FRMPD2: variants seen among roughly 807,000 people sequenced by gnomAD.
The protein encoded by FRMPD2 is FERM and PDZ domain-containing protein 2.
A neutral mutation model predicts 140.1 loss-of-function variants in FRMPD2; 96 were observed. The observed-to-expected ratio is 0.69, with a 90% CI of 0.58 to 0.81. FRMPD2 has a LOEUF of 0.81. FRMPD2 is among the 40% of genes least tolerant of loss of function. The probability of loss-of-function intolerance (pLI) is 0.00; values close to 1 mark genes in which losing one functional copy is unlikely to be tolerated. For missense variants in FRMPD2, 1,240 were observed against 1,447.4 expected (o/e 0.86, Z 2.32); for synonymous variants, 449 against 547.6 (o/e 0.82, Z 2.52).
At chr10:48,211,247 G>C (rs895500843) in intron 13 of FRMPD2, among the ~76,000 whole-genome samples, 1 of 152,214 alleles carries the variant, frequency 6.6e-6, no homozygotes, top group African/African-American at 2.4e-5. Context: ...GTGCCCACAC[G>C]GGGAGACTGC....
At chr10:48,212,652 T>C (rs1031647813) in intron 12 of FRMPD2, among the ~76,000 whole-genome samples, 1 of 152,320 alleles carries the variant, frequency 6.6e-6, no homozygotes, top group African/African-American at 2.4e-5. Flanking sequence ...AAGGAGGTCT[T>C]AGCTTTGGCA....
At chr10:48,249,869 GCC>G (rs1840334776) in intron 2 of FRMPD2, among the ~76,000 whole-genome samples, 1 of 141,996 alleles carries the variant, frequency 7.0e-6, no homozygotes, top group African/African-American at 3.1e-5. Flanking sequence ...ACTATAGGAG[GCC>G]TTATTACTGA....
rs111922604 is a variant in FRMPD2 at position 48,258,102 on chromosome 10, C to T, written c.26-6411G>A. Among the ~76,000 whole-genome samples the T allele has an allele frequency of 4.6e-3, 700 of 152,362 alleles. 13 individuals carry two copies. Among genetic ancestry groups the T allele is most frequent in the African/African-American group, 0.015 (644 of 41,584 alleles). ...TCAGAGCGATCTTTTCCTCTCTTCT[C>T]CTTTTGTTCCTTCGGTCTCTCTTCA... On this transcript the variant is annotated intron_variant, in intron 1 of 28. Transcript: ENST00000374201.
chr10:48,204,534 C>T (rs72792226), intron 14 of FRMPD2, among the ~76,000 whole-genome samples: 2,156 of 152,118 alleles, frequency 0.014, 28 homozygotes, highest in Non-Finnish European at 0.021. Flanking sequence ...CGCCATCATA[C>T]AGAAAAATAA....
Position 48,178,046 on chromosome 10 carries a change from C to T in FRMPD2, c.2895+1G>A, listed in dbSNP as rs1364084944. On this transcript the variant is annotated splice_donor_variant, in intron 22 of 28. Coordinates refer to ENST00000374201, the MANE Select transcript of FRMPD2 (RefSeq NM_001018071.4). LOFTEE classifies it high-confidence loss of function. ...TTTCAAGCTCTCCTAAAAACTCTTA[C>T]AGTTACACTGAATCCAAGTGTCCCA... 1 of 1,583,838 alleles carries T rather than the reference C, an allele frequency of 6.3e-7. No homozygotes were observed. The highest frequency in any genetic ancestry group is 8.7e-7 in the Non-Finnish European group (1 of 1,154,710).
intron 1 of FRMPD2, among the ~76,000 whole-genome samples, chr10:48,261,765 C>T (rs1192197525): frequency 2.6e-5 from 4 of 152,050 alleles, no homozygotes; most frequent in African/African-American, 7.2e-5. Context: ...ATTATAATAG[C>T]AACAACATCT....
intron 13 of FRMPD2, among the ~76,000 whole-genome samples, chr10:48,208,778 C>T (rs1053146031): frequency 1.3e-5 from 2 of 152,188 alleles, no homozygotes; most frequent in African/African-American, 4.8e-5. Flanking sequence ...GTCATTTCCT[C>T]TCCATGTGCT....
intron 12 of FRMPD2, among the ~76,000 whole-genome samples, chr10:48,221,975 T>TG (rs1839600005): frequency 7.0e-6 from 1 of 142,608 alleles, no homozygotes; most frequent in Non-Finnish European, 1.5e-5. Flanking sequence ...GATGGATGGA[T>TG]GGTTGGATGG....
At chr10:48,262,334 T>C (rs530930258) in intron 1 of FRMPD2, among the ~76,000 whole-genome samples, 20 of 152,314 alleles carry the variant, frequency 1.3e-4, no homozygotes, top group African/African-American at 4.8e-4. Context: ...AAAAGAAAGC[T>C]GGAGTAACCA....
rs577144969 is a variant in FRMPD2 at position 48,164,056 on chromosome 10, C to T, written c.3538-385G>A. 2.7e-5 allele frequency among the ~76,000 whole-genome samples: 4 copies of T among 150,794 alleles called. No individual in the cohort carries two copies. In the South Asian group the frequency reaches 8.4e-4, roughly 32 times the overall value. The stretch of plus-strand genomic sequence containing the variant: ...TCAGGGCTTGTCTCCCTGTCTCCAC[C>T]CCCATCAAGGTGATGTTCTTTCCTG... On this transcript the variant is annotated intron_variant, in intron 27 of 28. Coordinates refer to ENST00000374201, the MANE Select transcript of FRMPD2 (RefSeq NM_001018071.4).
At chr10:48,209,114 C>T (rs1839264189) in intron 13 of FRMPD2, among the ~76,000 whole-genome samples, 1 of 152,066 alleles carries the variant, frequency 6.6e-6, no homozygotes, top group African/African-American at 2.4e-5. Context: ...ACAGTACTGT[C>T]TTAAAATTGA....
chr10:48,181,951 T>C (rs987564041), intron 20 of FRMPD2, among the ~76,000 whole-genome samples: 1 of 146,094 alleles, frequency 6.8e-6, no homozygotes, highest in Non-Finnish European at 1.5e-5. Flanking sequence ...CCTCAATAAA[T>C]GTATCTACTG....
chr10:48,234,012 C>T (rs1325386201), intron 9 of FRMPD2, among the ~76,000 whole-genome samples: 1 of 152,250 alleles, frequency 6.6e-6, no homozygotes, highest in Non-Finnish European at 1.5e-5. Flanking sequence ...ATCTCACCCA[C>T]CCAGCTCCCA....
rs1212393112 is a variant in FRMPD2, at chr10:48,201,448, TG to T, written c.1798-65del. ...CCACAACCCTCCACTGACGCACAACTGCAAGAAAATGCTCGGTCCCTTGGTT... is the reference window on the plus strand; with the variant it reads ...CCACAACCCTCCACTGACGCACAACTCAAGAAAATGCTCGGTCCCTTGGTT... On this transcript the variant is annotated intron_variant, in intron 14 of 28. Transcript: ENST00000374201. 2.7e-6 allele frequency: 4 copies of T among 1,484,342 alleles called. No individual in the cohort carries two copies. The East Asian group carries it at 9.4e-5, about 35-fold the overall frequency. 91.9% of individuals were successfully genotyped at this position (1,484,342 alleles called of 1,614,324 possible).
At position 48,187,205 on chromosome 10, in the gene FRMPD2, C is replaced by T. The variant is rs1838710231; in HGVS notation, c.2253G>A (p.Gln751=). ...CCTGGCCCATACCTGCATGCATGCTCTGAACAGGTGGTCCAGAGAGAGAGT... is the reference window on the plus strand; with the variant it reads ...CCTGGCCCATACCTGCATGCATGCTTTGAACAGGTGGTCCAGAGAGAGAGT... The part of the protein sequence containing the change: ...TWDSLSGPPV[Q]SMHAGSKNNR... Residue 751 remains glutamine, a synonymous_variant, in exon 17 of 29, where the codon CAG becomes CAA. Coordinates refer to ENST00000374201, the MANE Select transcript of FRMPD2 (RefSeq NM_001018071.4). 6.2e-7 allele frequency: 1 copy of T among 1,613,830 alleles called. No individual in the cohort carries two copies. The highest frequency in any genetic ancestry group is 2.2e-5 in the East Asian group (1 of 44,850).
At chr10:48,215,942 C>A (rs898653211) in intron 12 of FRMPD2, among the ~76,000 whole-genome samples, 1 of 152,204 alleles carries the variant, frequency 6.6e-6, no homozygotes, top group Non-Finnish European at 1.5e-5. Context: ...AATCCATAGA[C>A]TGAGTAAAGC....
At position 48,236,491 on chromosome 10, in the gene FRMPD2, TC is replaced by T; in HGVS notation, c.983del (p.Gly328AspfsTer4). 6.2e-7 allele frequency: 1 copy of T among 1,614,116 alleles called. No homozygotes were observed. Among genetic ancestry groups the T allele is most frequent in the African/African-American group, 1.3e-5 (1 of 75,018 alleles). On this transcript the variant is annotated frameshift_variant, in exon 9 of 29. Transcript: ENST00000374201. LOFTEE classifies it high-confidence loss of function. ...GEAPMTLHLP[G>X]SVVTKKGKSY... ...CTAGCCCAGTAGTTACCACAACCGA[TC>T]CCGGCAGATGTAGTGTCATCGGGGC...
rs376020817 is a variant in FRMPD2 at position 48,239,599 on chromosome 10, G to C, written c.788+6C>G. On this transcript the variant is annotated splice_donor_region_variant and intron_variant, in intron 7 of 28. Coordinates refer to ENST00000374201, the MANE Select transcript of FRMPD2 (RefSeq NM_001018071.4). ...TTCACAGCACCCTTTAGGCCTTGCTGCTTACCGGTTAACAAGGAGGCTGCA... is the reference window on the plus strand; with the variant it reads ...TTCACAGCACCCTTTAGGCCTTGCTCCTTACCGGTTAACAAGGAGGCTGCA... 6.2e-7 allele frequency: 1 copy of C among 1,612,028 alleles called. No individual in the cohort carries two copies. The highest frequency in any genetic ancestry group is 1.1e-5 in the South Asian group (1 of 90,930).
chr10:48,174,314 G>A (rs1397571228), intron 24 of FRMPD2, among the ~76,000 whole-genome samples: 11 of 143,544 alleles, frequency 7.7e-5, no homozygotes, highest in African/African-American at 1.5e-4. Context: ...GAGTCACTGC[G>A]GGGCAGGGAA....
Sources: gnomAD v4.1 joint callset for allele counts (sites outside exome capture counted in the v4.1 genomes callset) on GRCh38, gnomAD v4.1.1 for gene constraint, MANE v1.5 for transcripts, NCBI Gene and HGNC (gene_info 2026-07-23, HGNC 2026-07-21) for gene names.